The following CLVS1 variants were observed in gnomAD, a reference collection of about 807,000 sequenced individuals.
CLVS1 encodes the protein clavesin-1.
A neutral mutation model predicts 33.1 loss-of-function variants in CLVS1; 10 were observed. The observed-to-expected ratio is 0.30, with a 90% CI of 0.19 to 0.51. The LOEUF (loss-of-function observed/expected upper bound fraction) is 0.51, where lower values mean the gene tolerates loss of function less well. Ranked by LOEUF, CLVS1 falls within the 20% of genes least tolerant of loss-of-function variation. The pLI is 0.97. For missense variants in CLVS1, 343 were observed against 433.4 expected, an observed-to-expected ratio of 0.79 and a Z score of 1.85; for synonymous variants, 163 against 166.1, an observed-to-expected ratio of 0.98 and a Z score of 0.14.
chr8:61,332,238 C>A (rs1811627194), intron 2 of CLVS1, among the ~76,000 whole-genome samples: 2 of 152,172 alleles, frequency 1.3e-5, no homozygotes. Context: ...TTAGCCTTGA[C>A]CTTTGCTGTA....
At chr8:61,029,835 A>T in the CLVS1 span, among the ~76,000 whole-genome samples, 1 of 152,154 alleles carries the variant, frequency 6.6e-6, no homozygotes, top group South Asian at 2.1e-4. Context: ...CACAACAAGG[A>T]TGCAGGTCTT....
Position 61,348,932 on chromosome 8 carries a change from A to G in CLVS1, c.456-27673A>G, listed in dbSNP as rs7009990. Among the ~76,000 whole-genome samples, 1,179 of 152,244 alleles carry G rather than the reference A, an allele frequency of 7.7e-3. 16 individuals carry two copies. The highest frequency in any genetic ancestry group is 0.026 in the African/African-American group (1,099 of 41,562). On this transcript the variant is annotated intron_variant, in intron 2 of 5. Coordinates refer to ENST00000325897, the MANE Select transcript of CLVS1 (RefSeq NM_173519.3). The stretch of plus-strand genomic sequence containing the variant: ...TACTTGTCCTAGAAGGTATGAAGTA[A>G]TATTACATTGTGGTTTTAATTTTTA...
intron 1 of CLVS1, among the ~76,000 whole-genome samples, chr8:61,094,009 C>T (rs1254223528): frequency 6.6e-6 from 1 of 152,256 alleles, no homozygotes; most frequent in East Asian, 1.9e-4. Flanking sequence ...GGCTTATTCT[C>T]TGCCCCATCA....
At chr8:61,130,237 C>CAAAA (rs1176347251) in intron 1 of CLVS1, among the ~76,000 whole-genome samples, 9 of 82,174 alleles carry the variant, frequency 1.1e-4, no homozygotes, top group African/African-American at 4.5e-4. Flanking sequence ...GACTCTGTCT[C>CAAAA]AAAAAATAAA....
chr8:61,302,833 A>T (rs1436295407), intron 2 of CLVS1, among the ~76,000 whole-genome samples: 2 of 152,212 alleles, frequency 1.3e-5, no homozygotes, highest in Non-Finnish European at 2.9e-5. Context: ...ACTTATAATC[A>T]TGGCAGAAGG....
chr8:61,480,703 T>TC (rs1475059982), intron 5 of CLVS1, among the ~76,000 whole-genome samples: 2 of 152,090 alleles, frequency 1.3e-5, no homozygotes, highest in African/African-American at 4.8e-5. Flanking sequence ...CTGGAGCTGT[T>TC]CCTATTCATC....
upstream of CLVS1, chr8:61,057,091 A>G (rs1436687239): frequency 1.3e-5 from 2 of 152,184 alleles, no homozygotes; most frequent in African/African-American, 4.8e-5. Flanking sequence ...CAAAGGCACA[A>G]TTACCCCCAC....
chr8:61,312,484 T>C (rs1355017656), intron 2 of CLVS1, among the ~76,000 whole-genome samples: 1 of 152,212 alleles, frequency 6.6e-6, no homozygotes, highest in Non-Finnish European at 1.5e-5. Flanking sequence ...GATGTGTTGT[T>C]TTTTCTTTGC....
chr8:61,390,173 T>G (rs892632551), intron 3 of CLVS1, among the ~76,000 whole-genome samples: 2 of 152,196 alleles, frequency 1.3e-5, no homozygotes, highest in Non-Finnish European at 2.9e-5. Context: ...AATGAGAAAG[T>G]GCAAATTATA....
the CLVS1 span, among the ~76,000 whole-genome samples, chr8:60,976,511 C>T: frequency 1.3e-5 from 2 of 152,156 alleles, no homozygotes; most frequent in Non-Finnish European, 2.9e-5. Flanking sequence ...GTGTTTGCCA[C>T]CAGCCCTGCT....
chr8:61,070,429 C>A (rs753667415), intron 1 of CLVS1, among the ~76,000 whole-genome samples: 2 of 152,188 alleles, frequency 1.3e-5, no homozygotes, highest in Non-Finnish European at 2.9e-5. Flanking sequence ...CTAAGGGCAA[C>A]CAGCATTTTG....
rs768896897 is a variant in CLVS1 at position 61,299,981 on chromosome 8, G to T, written c.154G>T (p.Asp52Tyr). Residue 52 changes from aspartate to tyrosine, a missense_variant, in exon 2 of 6, where the codon GAT becomes TAT. By Grantham distance (160) the Asp-to-Tyr change is radical (BLOSUM62 -3). This residue lies in a region of CLVS1 where 88 missense variants were observed against 77.3 expected (regional missense o/e 1.14). Coordinates refer to ENST00000325897, the MANE Select transcript of CLVS1 (RefSeq NM_173519.3). ...TGAAAACCCCGATGTTTTACATCAGGATATTCAGCAAGTCAGGGACATGAT... is the reference window on the plus strand; with the variant it reads ...TGAAAACCCCGATGTTTTACATCAGTATATTCAGCAAGTCAGGGACATGAT... ...LNENPDVLHQ[D>Y]IQQVRDMIIT... 3 of 1,614,024 alleles carry T rather than the reference G, an allele frequency of 1.9e-6. No homozygotes were observed. The highest frequency in any genetic ancestry group is 1.7e-5 in the Admixed American group (1 of 59,970).
intron 2 of CLVS1, among the ~76,000 whole-genome samples, chr8:61,140,986 G>C (rs1420662517): frequency 1.3e-5 from 2 of 152,162 alleles, no homozygotes; most frequent in African/African-American, 2.4e-5. Context: ...GGAGTGGTGA[G>C]GAAAGAGCAG....
chr8:61,293,546 C>T (rs1166058997), intron 1 of CLVS1, among the ~76,000 whole-genome samples: 1 of 152,118 alleles, frequency 6.6e-6, no homozygotes, highest in Non-Finnish European at 1.5e-5. Flanking sequence ...TAGAGTTACA[C>T]TTAAAAAGAA....
chr8:61,321,913 C>T (rs1811205534), intron 2 of CLVS1, among the ~76,000 whole-genome samples: 2 of 152,162 alleles, frequency 1.3e-5, no homozygotes, highest in South Asian at 4.1e-4. Context: ...AATCCCTCTT[C>T]CTACTTGTAC....
the CLVS1 span, among the ~76,000 whole-genome samples, chr8:61,020,542 G>A: frequency 7.5e-4 from 114 of 152,308 alleles, no homozygotes; most frequent in African/African-American, 2.3e-3. Flanking sequence ...GGCCAAGCAC[G>A]TGGCACTTTA....
chr8:61,160,767 AC>A (rs1405297005), intron 2 of CLVS1, among the ~76,000 whole-genome samples: 2 of 152,312 alleles, frequency 1.3e-5, no homozygotes, highest in African/African-American at 4.8e-5. Context: ...CCTTTACTTG[AC>A]AAAACTTTAT....
At chr8:61,494,670 G>T (rs1347270879) in intron 5 of CLVS1, among the ~76,000 whole-genome samples, 5 of 152,106 alleles carry the variant, frequency 3.3e-5, no homozygotes, top group African/African-American at 1.2e-4. Flanking sequence ...TCAGTGAGCA[G>T]TTGATTGGTC....
chr8:61,451,700 C>T (rs1417794408), intron 3 of CLVS1, among the ~76,000 whole-genome samples: 3 of 151,872 alleles, frequency 2.0e-5, no homozygotes, highest in African/African-American at 4.8e-5. Flanking sequence ...CTGCAGTTGG[C>T]GGATGTGATC....
Sources: allele counts gnomAD v4.1 joint callset (sites outside exome capture counted in the v4.1 genomes callset), GRCh38; gene constraint gnomAD v4.1.1; regional missense constraint gnomAD v4.1.1; transcripts MANE v1.5; gene names NCBI Gene and HGNC (gene_info 2026-07-23, HGNC 2026-07-21).